The following RRN3 variants were observed in gnomAD, a reference collection of about 807,000 sequenced individuals.
RRN3 encodes RNA polymerase I transcription factor RRN3.
Under a neutral mutation model 82.3 loss-of-function variants are expected in RRN3, and 38 were observed. The observed-to-expected ratio is 0.46, with a 90% CI of 0.36 to 0.61. The LOEUF (loss-of-function observed/expected upper bound fraction) is 0.61. RRN3 is among the 20% of genes least tolerant of loss of function. RRN3 has a pLI of 0.00. For synonymous variants in RRN3, 284 were observed against 284.3 expected, an observed-to-expected ratio of 1.00 and a Z score of 0.01; for missense variants, 726 against 793.1, an observed-to-expected ratio of 0.92 and a Z score of 1.02.
chr16:15,063,021 T>G (rs543689511), intron 17 of RRN3, among the ~76,000 whole-genome samples, 175 bp downstream of exon 17: 1 of 152,302 alleles, frequency 6.6e-6, no homozygotes, highest in Admixed American at 6.5e-5. Context: ...TTAAAAAAAT[T>G]TTTGTAGAAA....
chr16:15,094,056 C>T (rs2046250195), intron 1 of RRN3, 89 bp downstream of exon 1: 1 of 1,217,790 alleles, frequency 8.2e-7, no homozygotes, highest in Non-Finnish European at 1.2e-6. Context: ...ACGCCATGAG[C>T]TTTGTCCCAC....
At chr16:15,067,256 T>C (rs140816509) in intron 15 of RRN3, among the ~76,000 whole-genome samples, 1,890 of 151,542 alleles carry the variant, frequency 0.012, 13 homozygotes, top group Middle Eastern at 0.037. Context: ...AATATCCTCA[T>C]TGAATATTCA....
chr16:15,061,308 T>A lies in RRN3; in HGVS notation c.*436A>T, dbSNP rs183165661. The A allele has an allele frequency of 6.1e-6, 1 of 163,274 alleles. No homozygotes were observed. The highest frequency in any genetic ancestry group is 1.8e-4 in the East Asian group (1 of 5,636). The allele number at this position is 163,274 out of a possible 1,614,324, so 10.1% of individuals were successfully genotyped here. A position where few individuals can be genotyped will look rare whatever the true frequency, so the allele number is the denominator to read the frequency against. Reference sequence around the variant, plus strand: ...TCTAGTTAAAGTCTTTAAATAGAAGTTTTATCTTAGAGGATTCTTCACTGA... The same window carrying A: ...TCTAGTTAAAGTCTTTAAATAGAAGATTTATCTTAGAGGATTCTTCACTGA... On this transcript the variant is annotated 3_prime_UTR_variant, in exon 18 of 18. Coordinates refer to ENST00000198767, the MANE Select transcript of RRN3 (RefSeq NM_018427.5).
At chr16:15,073,491 A>C (rs2045327061) in intron 11 of RRN3, among the ~76,000 whole-genome samples, 1 of 152,214 alleles carries the variant, frequency 6.6e-6, no homozygotes, top group African/African-American at 2.4e-5. Context: ...TATCCATTAA[A>C]ATACCATTAA....
At chr16:15,067,436 G>A (rs1203444397) in intron 15 of RRN3, among the ~76,000 whole-genome samples, 1 of 80,202 alleles carries the variant, frequency 1.2e-5, no homozygotes, top group Non-Finnish European at 3.5e-5. Flanking sequence ...CATCCTAGAG[G>A]ATCAAATGAG....
Position 15,094,129 on chromosome 16 carries a change from G to A in RRN3, c.89+16C>T, listed in dbSNP as rs375563537. 28 of 1,584,588 alleles carry A rather than the reference G, an allele frequency of 1.8e-5. No homozygotes were observed. Among genetic ancestry groups the A allele is most frequent in the Non-Finnish European group, 2.4e-5 (28 of 1,164,010 alleles). ...TTTCGTCCCAGATACGCAGAAGGAA[G>A]CGGCCTGAATCTTACCCAGTCCTCG... On this transcript the variant is annotated intron_variant, in intron 1 of 17. Transcript: ENST00000198767.
intron 10 of RRN3, among the ~76,000 whole-genome samples, chr16:15,076,166 C>G (rs776283461): frequency 6.6e-6 from 1 of 152,172 alleles, no homozygotes; most frequent in Non-Finnish European, 1.5e-5. Context: ...CTGTCTCAGA[C>G]TCTCCTTCCA....
rs776638982 is a variant in RRN3, at chr16:15,083,532, C to T, written c.647G>A (p.Arg216Gln). 9 of 1,608,430 alleles carry T rather than the reference C, an allele frequency of 5.6e-6. No individual in the cohort carries two copies. Among genetic ancestry groups the T allele is most frequent in the Admixed American group, 1.7e-5 (1 of 59,174 alleles). The change falls in exon 8 of 18, where the codon CGA (arginine) becomes CAA (glutamine). Residue 216 changes from arginine to glutamine, a missense_variant. By Grantham distance (43) the Arg-to-Gln change is conservative. Coordinates refer to ENST00000198767, the MANE Select transcript of RRN3 (RefSeq NM_018427.5). Reference sequence around the variant, plus strand: ...TCTTACCAGTGTTCTCTCTGATTTTCGAACAAATGGAAATTTTTCCACCAG... The same window carrying T: ...TCTTACCAGTGTTCTCTCTGATTTTTGAACAAATGGAAATTTTTCCACCAG... Reference protein sequence around the residue: ...PILVEKFPFVRKSERTLECYV... With the variant: ...PILVEKFPFVQKSERTLECYV...
At chr16:15,091,714 T>G (rs1469013382) in intron 2 of RRN3, among the ~76,000 whole-genome samples, 1 of 152,202 alleles carries the variant, frequency 6.6e-6, no homozygotes, top group African/African-American at 2.4e-5. Context: ...AAGTATTCAC[T>G]CAAATATGGA....
At chr16:15,074,588 A>T in intron 11 of RRN3, 135 bp downstream of exon 11, 2 of 569,118 alleles carry the variant, frequency 3.5e-6, no homozygotes, top group Non-Finnish European at 5.6e-6. Flanking sequence ...TGACCTCTTT[A>T]AATCATCTTA....
intron 15 of RRN3, 101 bp from the exon 16 acceptor site, chr16:15,065,472 T>G: frequency 1.1e-6 from 1 of 928,318 alleles, no homozygotes; most frequent in Non-Finnish European, 1.6e-6. Context: ...CACAGAGAAA[T>G]TGCTGAATAT....
intron 9 of RRN3, among the ~76,000 whole-genome samples, chr16:15,077,950 T>C (rs1244956069): frequency 4.6e-5 from 7 of 152,198 alleles, no homozygotes; most frequent in Admixed American, 3.9e-4. Flanking sequence ...CACAGACACA[T>C]TGTGTAATAA....
At chr16:15,069,663 G>A (rs2045139286) in intron 14 of RRN3, among the ~76,000 whole-genome samples, 1 of 152,148 alleles carries the variant, frequency 6.6e-6, no homozygotes, top group Non-Finnish European at 1.5e-5. Flanking sequence ...TGACTTTCCT[G>A]TGCTTTAGTG....
chr16:15,093,998 C>A (rs1359007308), intron 1 of RRN3, 147 bp downstream of exon 1: 10 of 719,476 alleles, frequency 1.4e-5, no homozygotes, highest in South Asian at 3.1e-5. Context: ...GAGGAATGAG[C>A]TCATTTCTGT....
At chr16:15,067,922 T>A in intron 15 of RRN3, among the ~76,000 whole-genome samples, 1 of 152,032 alleles carries the variant, frequency 6.6e-6, no homozygotes, top group East Asian at 1.9e-4. Context: ...CACACCCAGC[T>A]AATTTTTAAA....
intron 15 of RRN3, among the ~76,000 whole-genome samples, chr16:15,066,570 T>C (rs1346394925): frequency 2.0e-5 from 3 of 150,970 alleles, no homozygotes; most frequent in East Asian, 2.0e-4. Context: ...GAGGTGGTGG[T>C]TGTAGTGAGC....
chr16:15,068,102 C>A, intron 15 of RRN3, 67 bp downstream of exon 15: 1 of 1,501,444 alleles, frequency 6.7e-7, no homozygotes, highest in Non-Finnish European at 9.0e-7. Context: ...AACACTCTTA[C>A]AATACTAGAT....
Position 15,086,452 on chromosome 16 carries a change from A to G in RRN3, c.255T>C (p.Asp85=). Residue 85 remains aspartate (D), a splice_region_variant and synonymous_variant, in exon 4 of 18, where the codon GAT becomes GAC. Coordinates refer to ENST00000198767, the MANE Select transcript of RRN3 (RefSeq NM_018427.5). ...KNQLLDPDIK[D]DQIINWLLEF... ...CTAGCAGCCAGTTGATGATCTGGTC[A>G]TCCTTAAGTTAAACAAAGAGTACTT... is the stretch of plus-strand genomic sequence containing the variant. The G allele has an allele frequency of 1.9e-6, 3 of 1,612,094 alleles. No homozygotes were observed. The highest frequency in any genetic ancestry group is 2.5e-6 in the Non-Finnish European group (3 of 1,179,432).
chr16:15,080,021 T>A lies in RRN3; in HGVS notation c.742A>T (p.Ile248Phe), dbSNP rs1440553330. Residue 248 changes from isoleucine (I) to phenylalanine (F), a missense_variant, in exon 9 of 18, where the codon ATT becomes TTT. Transcript: ENST00000198767. ...ACATCCAACTTGAGTAGTTTTTCAATAATAAGCTCCAGAATTTCATGCCTC... is the reference window on the plus strand; with the variant it reads ...ACATCCAACTTGAGTAGTTTTTCAAAAATAAGCTCCAGAATTTCATGCCTC... The part of the protein sequence containing the change: ...TLRHEILELI[I>F]EKLLKLDVNA... 3 of 1,598,932 alleles carry A rather than the reference T, an allele frequency of 1.9e-6. No individual in the cohort carries two copies. In the South Asian group the frequency reaches 3.4e-5, roughly 18 times the overall value.
Sources: gnomAD v4.1 joint callset for allele counts (sites outside exome capture counted in the v4.1 genomes callset) on GRCh38, gnomAD v4.1.1 for gene constraint, MANE v1.5 for transcripts, NCBI Gene and HGNC (gene_info 2026-07-23, HGNC 2026-07-21) for gene names.